STYX: variants seen among roughly 807,000 people sequenced by gnomAD.
STYX encodes serine/threonine/tyrosine-interacting protein.
In STYX, 20 loss-of-function variants were observed where a neutral mutation model predicts 42.7. The observed-to-expected ratio is 0.47, with a 90% CI of 0.33 to 0.68. The LOEUF (loss-of-function observed/expected upper bound fraction) is 0.68, where lower values mean the gene tolerates loss of function less well. STYX is among the 30% of genes least tolerant of loss of function. The pLI, the probability that STYX is intolerant of heterozygous loss-of-function variation, is 0.02. For synonymous variants in STYX, 78 were observed against 81.9 expected, an observed-to-expected ratio of 0.95 and a Z score of 0.26; for missense variants, 226 against 268.5, an observed-to-expected ratio of 0.84 and a Z score of 1.11.
At chr14:52,770,837 T>C (rs1333493430) in intron 10 of STYX, among the ~76,000 whole-genome samples, 196 bp from the exon 11 acceptor site, 2 of 152,076 alleles carry the variant, frequency 1.3e-5, no homozygotes, top group African/African-American at 2.4e-5. Context: ...AGAAGGAAAA[T>C]ATATCCTGTC....
At chr14:52,764,666 CTTTT>C (rs58502916) in intron 9 of STYX, among the ~76,000 whole-genome samples, 1 of 99,014 alleles carries the variant, frequency 1.0e-5, no homozygotes, top group Non-Finnish European at 2.0e-5. Context: ...TTTACTTTTC[CTTTT>C]TTTTTTTTTT....
At chr14:52,732,076 A>C (rs2139871467) in intron 1 of STYX, among the ~76,000 whole-genome samples, 1 of 146,994 alleles carries the variant, frequency 6.8e-6, no homozygotes. Context: ...CACCTGGCCC[A>C]AGAATATACT....
At chr14:52,742,094 A>G (rs745880415) in intron 1 of STYX, among the ~76,000 whole-genome samples, 2 of 152,152 alleles carry the variant, frequency 1.3e-5, no homozygotes, top group Non-Finnish European at 2.9e-5. Flanking sequence ...TTAAATTCTC[A>G]CTTGGCCTCA....
Position 52,744,865 on chromosome 14 carries a change from C to G in STYX, c.71C>G (p.Pro24Arg), listed in dbSNP as rs1881333394. ...CKEDAEEWTYPMRREMQEILP... is the reference protein window; with the variant it reads ...CKEDAEEWTYRMRREMQEILP... The stretch of plus-strand genomic sequence containing the variant: ...TTTCCTTCCCAGGAGTGGACCTACC[C>G]TATGAGACGAGAGATGCAGGTATGG... Residue 24 changes from proline to arginine, a missense_variant, in exon 2 of 11, where the codon CCT (proline) becomes CGT (arginine). Pro to Arg is a moderately radical substitution (Grantham distance 103). Transcript: ENST00000354586. The G allele has an allele frequency of 1.2e-6, 2 of 1,613,244 alleles. No individual in the cohort carries two copies. Among genetic ancestry groups the G allele is most frequent in the South Asian group, 1.1e-5 (1 of 90,942 alleles).
chr14:52,757,251 G>A, intron 5 of STYX, 68 bp from the exon 6 acceptor site: 1 of 1,228,614 alleles, frequency 8.1e-7, no homozygotes, highest in East Asian at 2.4e-5. Context: ...TTTTCAATAG[G>A]TTTCATTTTG....
intron 4 of STYX, among the ~76,000 whole-genome samples, chr14:52,752,654 A>G (rs901198733): frequency 6.6e-6 from 1 of 152,226 alleles, no homozygotes; most frequent in African/African-American, 2.4e-5. Flanking sequence ...ATAATGCATT[A>G]CATGAATAAA....
At chr14:52,752,302 TA>T (rs938879983) in intron 4 of STYX, among the ~76,000 whole-genome samples, 3 of 151,552 alleles carry the variant, frequency 2.0e-5, no homozygotes, top group Non-Finnish European at 4.4e-5. Flanking sequence ...CCGTCTCTAC[TA>T]AAAATACAAA....
chr14:52,748,778 G>T (rs974702719), intron 3 of STYX, among the ~76,000 whole-genome samples: 1 of 152,172 alleles, frequency 6.6e-6, no homozygotes, highest in Admixed American at 6.5e-5. Context: ...TCATAAAGTA[G>T]ATAGGAAAAC....
intron 1 of STYX, among the ~76,000 whole-genome samples, chr14:52,739,221 CTG>C (rs1385352580): frequency 1.5e-4 from 22 of 151,702 alleles, no homozygotes. Flanking sequence ...ATTTCATAGA[CTG>C]TTATCGAATC....
At chr14:52,733,890 C>G (rs928218324) in intron 1 of STYX, among the ~76,000 whole-genome samples, 1 of 152,146 alleles carries the variant, frequency 6.6e-6, no homozygotes, top group African/African-American at 2.4e-5. Flanking sequence ...GGGAGCTGCC[C>G]TAGCAGCACT....
intron 9 of STYX, among the ~76,000 whole-genome samples, chr14:52,765,799 G>A (rs1017275091): frequency 6.6e-6 from 1 of 152,192 alleles, no homozygotes. Context: ...TAGGGTTTGC[G>A]CTCCTGTGAG....
rs1047506839 is a variant in STYX at position 52,730,414 on chromosome 14, C to G, written c.-61C>G. 7.0e-6 allele frequency: 11 copies of G among 1,577,664 alleles called. No individual in the cohort carries two copies. Among genetic ancestry groups the G allele is most frequent in the African/African-American group, 2.7e-5 (2 of 74,246 alleles). On this transcript the variant is annotated 5_prime_UTR_variant, in exon 1 of 11. Coordinates refer to ENST00000354586, the MANE Select transcript of STYX (RefSeq NM_145251.4). ...CTTCCTTCCGCCGCCGCAGCCAGCC[C>G]GAGGGTCGGCCGGCTGTGTAACACT...
intron 3 of STYX, 145 bp from the exon 4 acceptor site, chr14:52,750,538 T>C (rs940847194): frequency 9.0e-6 from 5 of 552,686 alleles, no homozygotes; most frequent in Non-Finnish European, 1.2e-5. Flanking sequence ...TCAGGTATAT[T>C]ATAAAATTAG....
chr14:52,771,134 A>G lies in STYX; in HGVS notation c.*28A>G. ...TGAAGAGCAACATCATAGAGTGTGA[A>G]TTTCTATTTGGGAAGGAGAAAATAC... On this transcript the variant is annotated 3_prime_UTR_variant, in exon 11 of 11. Coordinates refer to ENST00000354586, the MANE Select transcript of STYX (RefSeq NM_145251.4). The G allele has an allele frequency of 2.6e-6, 4 of 1,565,208 alleles. No individual in the cohort carries two copies. The highest frequency in any genetic ancestry group is 3.5e-6 in the Non-Finnish European group (4 of 1,151,796).
At chr14:52,762,107 T>G (rs1250649663) in intron 9 of STYX, among the ~76,000 whole-genome samples, 1 of 151,658 alleles carries the variant, frequency 6.6e-6, no homozygotes, top group Non-Finnish European at 1.5e-5. Flanking sequence ...CTTGAACTCC[T>G]GACCTCAGGT....
At chr14:52,746,357 T>C (rs1348006636) in intron 2 of STYX, 69 bp from the exon 3 acceptor site, 3 of 1,173,696 alleles carry the variant, frequency 2.6e-6, no homozygotes, top group Non-Finnish European at 3.6e-6. Context: ...AAATAAGGTT[T>C]GTCTTATTTA....
At chr14:52,744,772 C>A in intron 1 of STYX, 80 bp from the exon 2 acceptor site, 2 of 1,313,366 alleles carry the variant, frequency 1.5e-6, no homozygotes, top group Non-Finnish European at 2.2e-6. Context: ...AATCTACATA[C>A]TTGTGTGTCA....
At chr14:52,744,668 A>G (rs1050789157) in intron 1 of STYX, among the ~76,000 whole-genome samples, 184 bp from the exon 2 acceptor site, 2 of 152,220 alleles carry the variant, frequency 1.3e-5, no homozygotes, top group South Asian at 2.1e-4. Flanking sequence ...GAATGCTTTA[A>G]GCTTTGTTTC....
At chr14:52,769,562 A>C (rs981325321) in intron 10 of STYX, among the ~76,000 whole-genome samples, 3 of 152,124 alleles carry the variant, frequency 2.0e-5, no homozygotes, top group Non-Finnish European at 4.4e-5. Context: ...ACAAGTATAG[A>C]ACTCTTTGCA....
Sources: gnomAD v4.1 joint callset for allele counts (sites outside exome capture counted in the v4.1 genomes callset) on GRCh38, gnomAD v4.1.1 for gene constraint, MANE v1.5 for transcripts, NCBI Gene and HGNC (gene_info 2026-07-23, HGNC 2026-07-21) for gene names.